Variants in OGDH observed in about 807,000 individuals in gnomAD.
OGDH encodes the protein 2-oxoglutarate dehydrogenase complex component E1.
OGDH carries 38 observed loss-of-function variants against 116.6 expected under a neutral mutation model. That is an observed-to-expected ratio of 0.33 (90% CI 0.25 to 0.43). The LOEUF is 0.43. Among genes scored for constraint, OGDH ranks in the 20% least tolerant of loss-of-function variants. The pLI is 1.00. For synonymous variants in OGDH, 488 were observed against 533.3 expected, an observed-to-expected ratio of 0.92 and a Z score of 1.17; for missense variants, 825 against 1,357.2, an observed-to-expected ratio of 0.61 and a Z score of 6.16.
chr7:44,608,306 G>A (rs1008665892), intron 1 of OGDH, among the ~76,000 whole-genome samples: 1 of 152,144 alleles, frequency 6.6e-6, no homozygotes, highest in Non-Finnish European at 1.5e-5. Context: ...TACTCAGGAG[G>A]CTGAGGCGGG....
At chr7:44,660,334 G>A (rs559467831) in intron 4 of OGDH, among the ~76,000 whole-genome samples, 7 of 152,070 alleles carry the variant, frequency 4.6e-5, no homozygotes, top group Admixed American at 1.3e-4. Flanking sequence ...TGTATTGCCC[G>A]GGCTGGTCAT....
Position 44,707,086 on chromosome 7 carries a change from G to T in OGDH, c.2633-139G>T, listed in dbSNP as rs1012801869. 2 of 812,668 alleles carry T rather than the reference G, an allele frequency of 2.5e-6. No individual in the cohort carries two copies. The highest frequency in any genetic ancestry group is 2.6e-5 in the East Asian group (1 of 38,130). The allele number at this position is 812,668 out of a possible 1,614,324, so 50.3% of individuals were successfully genotyped here. Reference sequence around the variant, plus strand: ...TGGTCTGAGCAAATACAGGGCATCAGAGGCTGGTGAAGGGGAAGCATCTCT... The same window carrying T: ...TGGTCTGAGCAAATACAGGGCATCATAGGCTGGTGAAGGGGAAGCATCTCT... On this transcript the variant is annotated intron_variant, in intron 20 of 22. Coordinates refer to ENST00000222673, the MANE Select transcript of OGDH (RefSeq NM_002541.4). The surrounding 1 kb of genome is among the most constrained non-coding windows in gnomAD (Gnocchi z 5.2).
intron 2 of OGDH, among the ~76,000 whole-genome samples, chr7:44,637,323 C>T (rs1785714546): frequency 6.6e-6 from 1 of 152,212 alleles, no homozygotes; most frequent in African/African-American, 2.4e-5. Context: ...TCTCCCATCC[C>T]ACTTGTCTTA....
chr7:44,663,319 C>A (rs371658828), intron 4 of OGDH, among the ~76,000 whole-genome samples: 4 of 152,184 alleles, frequency 2.6e-5, no homozygotes, highest in African/African-American at 9.7e-5. Flanking sequence ...AAAAATTTGT[C>A]TCTATCGTGT....
intron 4 of OGDH, 74 bp downstream of exon 4, chr7:44,647,833 G>A: frequency 8.9e-7 from 1 of 1,129,918 alleles, no homozygotes; most frequent in Non-Finnish European, 1.3e-6. Context: ...TAGCCAGGAT[G>A]TCCAGGCAGG....
intron 1 of OGDH, among the ~76,000 whole-genome samples, chr7:44,623,535 A>C (rs891914999): frequency 6.6e-6 from 1 of 152,214 alleles, no homozygotes; most frequent in African/African-American, 2.4e-5. Flanking sequence ...CTAATTCTAA[A>C]TTAATTAATC....
Position 44,635,379 on chromosome 7 carries a change from G to A in OGDH, c.223-9948G>A, listed in dbSNP as rs531366422. Among the ~76,000 whole-genome samples the A allele has an allele frequency of 3.3e-5, 5 of 152,328 alleles. No homozygotes were observed. The East Asian group carries it at 9.6e-4, about 29-fold the overall frequency. On this transcript the variant is annotated intron_variant, in intron 2 of 22. Coordinates refer to ENST00000222673, the MANE Select transcript of OGDH (RefSeq NM_002541.4). ...GCTGGGCCTCATCAACTTATCAGCT[G>A]TGCGAGGGCCTTTGAGCATGGGTGT...
chr7:44,643,512 T>C (rs1359628775), intron 2 of OGDH, among the ~76,000 whole-genome samples: 1 of 152,220 alleles, frequency 6.6e-6, no homozygotes, highest in Non-Finnish European at 1.5e-5. Context: ...GCCTGTGCAT[T>C]ATCATTGTGT....
chr7:44,656,417 G>C lies in OGDH; in HGVS notation c.517+8658G>C. ...CAGAGTTGAGGACTTCATTTGAATA[G>C]GATGTGCAACTTTTCCTAGCATGCA... On this transcript the variant is annotated intron_variant, in intron 4 of 22. Transcript: ENST00000222673. 3.4e-6 allele frequency: 5 copies of C among 1,483,238 alleles called. No individual in the cohort carries two copies. In the East Asian group the frequency reaches 9.9e-5, roughly 29 times the overall value. 91.9% of individuals were successfully genotyped at this position (1,483,238 alleles called of 1,614,324 possible).
At position 44,697,534 on chromosome 7, in the gene OGDH, C is replaced by T; in HGVS notation, c.2179+37C>T. On this transcript the variant is annotated intron_variant, in intron 16 of 22. Transcript: ENST00000222673. The surrounding 1 kb of genome is among the most constrained non-coding windows in gnomAD (Gnocchi z 6.0). ...GAGCCACACCACCAGGGCCTGTCAC[C>T]CACCCACCCCCGCTGGGCCTACTGG... The T allele has an allele frequency of 6.2e-7, 1 of 1,613,166 alleles. No individual in the cohort carries two copies. The highest frequency in any genetic ancestry group is 8.5e-7 in the Non-Finnish European group (1 of 1,179,294).
At chr7:44,611,536 A>G (rs1784568135) in intron 1 of OGDH, among the ~76,000 whole-genome samples, 1 of 151,252 alleles carries the variant, frequency 6.6e-6, no homozygotes, top group Admixed American at 6.6e-5. Flanking sequence ...TCGGCCTCCC[A>G]AAGTGCTGGG....
chr7:44,653,167 C>T (rs1233487546), intron 4 of OGDH, among the ~76,000 whole-genome samples: 2 of 152,022 alleles, frequency 1.3e-5, no homozygotes, highest in Non-Finnish European at 2.9e-5. Flanking sequence ...AATGTCAGCT[C>T]ACTGCAACCT....
intron 10 of OGDH, among the ~76,000 whole-genome samples, chr7:44,683,130 C>T (rs968058630): frequency 3.3e-5 from 5 of 151,874 alleles, no homozygotes; most frequent in Admixed American, 3.3e-4. Flanking sequence ...GCCTGGATGA[C>T]AGAGCAAGAC....
At chr7:44,699,118 G>C (rs1300115943) in intron 18 of OGDH, among the ~76,000 whole-genome samples, 5 of 147,054 alleles carry the variant, frequency 3.4e-5, no homozygotes, top group African/African-American at 7.6e-5. Context: ...ACTCCAGCCT[G>C]GGCAGCTCCG....
At chr7:44,663,598 G>A (rs1297240118) in intron 4 of OGDH, among the ~76,000 whole-genome samples, 7 of 152,154 alleles carry the variant, frequency 4.6e-5, no homozygotes, top group Non-Finnish European at 8.8e-5. Flanking sequence ...GTGAAACCCC[G>A]TCGCTACTAA....
intron 3 of OGDH, 143 bp from the exon 4 acceptor site, chr7:44,647,514 T>G: frequency 1.9e-6 from 3 of 1,542,972 alleles, no homozygotes; most frequent in Non-Finnish European, 2.6e-6. Flanking sequence ...GATGCTCCAG[T>G]AACTGTTTCT....
At chr7:44,627,754 T>C (rs1416645961) in intron 2 of OGDH, among the ~76,000 whole-genome samples, 1 of 152,180 alleles carries the variant, frequency 6.6e-6, no homozygotes, top group Non-Finnish European at 1.5e-5. Flanking sequence ...CTCAGCTCAC[T>C]GCAACCTCCA....
intron 20 of OGDH, among the ~76,000 whole-genome samples, chr7:44,704,534 C>G (rs1021873367): frequency 1.2e-4 from 19 of 152,022 alleles, no homozygotes; most frequent in African/African-American, 3.6e-4. Flanking sequence ...AAATTATTTG[C>G]CCATTTTTGA....
intron 2 of OGDH, among the ~76,000 whole-genome samples, chr7:44,642,937 T>C (rs62460466): frequency 0.015 from 2,046 of 136,564 alleles, 22 homozygotes; most frequent in Non-Finnish European, 0.022. Flanking sequence ...AAAAAAAAAT[T>C]TTTAAATATA....
Sources: gnomAD v4.1 joint callset for allele counts (sites outside exome capture counted in the v4.1 genomes callset) on GRCh38, gnomAD v4.1.1 for gene constraint, Gnocchi (gnomAD v3.1) non-coding constraint, MANE v1.5 for transcripts, NCBI Gene and HGNC (gene_info 2026-07-23, HGNC 2026-07-21) for gene names.